KALRN: variants seen among roughly 807,000 people sequenced by gnomAD.
The protein encoded by KALRN is kalirin.
KALRN carries 70 observed loss-of-function variants against 353.7 expected under a neutral mutation model. That is an observed-to-expected ratio of 0.20 (90% CI 0.16 to 0.24). The LOEUF (loss-of-function observed/expected upper bound fraction) is 0.24, where lower values mean the gene tolerates loss of function less well. Among genes scored for constraint, KALRN ranks in the 10% least tolerant of loss-of-function variants. KALRN has a pLI of 1.00. For synonymous variants in KALRN, 1,391 were observed against 1,434.8 expected (o/e 0.97, Z 0.69); for missense variants, 2,791 against 3,756.7 (o/e 0.74, Z 6.72).
At chr3:124,119,725 G>A (rs1249801942) in intron 1 of KALRN, among the ~76,000 whole-genome samples, 1 of 152,202 alleles carries the variant, frequency 6.6e-6, no homozygotes, top group East Asian at 1.9e-4. Flanking sequence ...TGTTATTTAA[G>A]GTTGATTTTG....
chr3:124,713,160 A>C lies in KALRN; in HGVS notation c.8276+25A>C, dbSNP rs781189663. On this transcript the variant is annotated intron_variant, in intron 58 of 59. Coordinates refer to ENST00000682506, the MANE Select transcript of KALRN (RefSeq NM_001388419.1). ...TGTAAGTACAGACGCCATCTCTCTA[A>C]AGTCGCCTGCATCCATTTAGGTTAG... The C allele has an allele frequency of 1.9e-6, 3 of 1,580,352 alleles. No individual in the cohort carries two copies. In the East Asian group the frequency reaches 6.8e-5, roughly 36 times the overall value.
chr3:124,126,495 C>T (rs1338820061), intron 1 of KALRN, among the ~76,000 whole-genome samples: 1 of 152,122 alleles, frequency 6.6e-6, no homozygotes, highest in African/African-American at 2.4e-5. Flanking sequence ...CTCAGGACAT[C>T]CCCTGGCCAC....
At chr3:124,497,499 C>T (rs1013901106) in intron 33 of KALRN, among the ~76,000 whole-genome samples, 5 of 152,090 alleles carry the variant, frequency 3.3e-5, no homozygotes, top group East Asian at 3.9e-4. Flanking sequence ...GACTGTGCCC[C>T]GAACCTGCTG....
chr3:124,346,580 G>C (rs1288237346), intron 9 of KALRN, among the ~76,000 whole-genome samples: 2 of 152,128 alleles, frequency 1.3e-5, no homozygotes, highest in African/African-American at 4.8e-5. Context: ...GAAGCCAGAG[G>C]GGGCTCTTGT....
chr3:124,311,377 C>T lies in KALRN; in HGVS notation c.1092+12464C>T, dbSNP rs113754358. 4.2e-3 allele frequency among the ~76,000 whole-genome samples: 636 copies of T among 151,408 alleles called. 5 individuals are homozygous for T. The highest frequency in any genetic ancestry group is 0.014 in the African/African-American group (582 of 41,274). On this transcript the variant is annotated intron_variant, in intron 6 of 59. Transcript: ENST00000682506. ...ACTGGGGAGGGCGAAGCAGGAGAAT[C>T]GCTTGAACTCAGGAGGCAGAGGTTG...
chr3:124,660,683 A>AAAG (rs1407764430), intron 43 of KALRN, among the ~76,000 whole-genome samples: 2 of 150,866 alleles, frequency 1.3e-5, no homozygotes, highest in African/African-American at 4.8e-5. Flanking sequence ...TATGTCTCAA[A>AAAG]AAAAAAAAAA....
chr3:124,314,026 T>G (rs1392212609), intron 6 of KALRN, among the ~76,000 whole-genome samples: 1 of 152,194 alleles, frequency 6.6e-6, no homozygotes, highest in Non-Finnish European at 1.5e-5. Context: ...TTATAAATCA[T>G]GCTGCTATAA....
chr3:124,385,086 C>A, intron 11 of KALRN, 50 bp downstream of exon 11: 1 of 1,493,490 alleles, frequency 6.7e-7, no homozygotes, highest in South Asian at 1.4e-5. Flanking sequence ...AGGGTCAGGT[C>A]GGCTTCCTAG....
intron 4 of KALRN, among the ~76,000 whole-genome samples, chr3:124,266,481 A>G (rs1312743301): frequency 2.0e-5 from 3 of 152,238 alleles, no homozygotes; most frequent in African/African-American, 7.2e-5. Flanking sequence ...ATTTTCAATG[A>G]CAATACATCA....
intron 12 of KALRN, among the ~76,000 whole-genome samples, chr3:124,397,121 T>C (rs1350742545): frequency 6.6e-6 from 1 of 152,244 alleles, no homozygotes; most frequent in Admixed American, 6.5e-5. Context: ...TTTCCTTTCC[T>C]TCTGGAAAAT....
At chr3:124,708,573 A>G (rs550417043) in intron 57 of KALRN, among the ~76,000 whole-genome samples, 111 of 152,310 alleles carry the variant, frequency 7.3e-4, no homozygotes, top group African/African-American at 2.2e-3. Flanking sequence ...AAATTATCTG[A>G]CATGAAGAAT....
intron 9 of KALRN, among the ~76,000 whole-genome samples, chr3:124,340,474 G>A (rs2081583943): frequency 6.6e-6 from 1 of 152,082 alleles, no homozygotes; most frequent in Non-Finnish European, 1.5e-5. Context: ...AGTGAGCCAA[G>A]ACTGTGCCAT....
At chr3:124,567,229 C>A (rs1004078901) in intron 34 of KALRN, among the ~76,000 whole-genome samples, 13 of 151,974 alleles carry the variant, frequency 8.6e-5, no homozygotes, top group African/African-American at 2.9e-4. Context: ...GGTTGAGAAC[C>A]ACTGCACTAG....
intron 53 of KALRN, 53 bp from the exon 54 acceptor site, chr3:124,696,081 C>A (rs2062037536): frequency 1.9e-6 from 3 of 1,599,392 alleles, no homozygotes; most frequent in Admixed American, 1.7e-5. Context: ...TTTTACCCAG[C>A]AGTCAAGTGT....
At chr3:124,634,720 G>C (rs1209633919) in intron 36 of KALRN, among the ~76,000 whole-genome samples, 1 of 152,112 alleles carries the variant, frequency 6.6e-6, no homozygotes, top group Non-Finnish European at 1.5e-5. Context: ...TCTGCCTTAA[G>C]TGTTGCTGAT....
At chr3:124,544,662 G>A (rs2069431897) in intron 33 of KALRN, among the ~76,000 whole-genome samples, 1 of 151,922 alleles carries the variant, frequency 6.6e-6, no homozygotes, top group Non-Finnish European at 1.5e-5. Flanking sequence ...ATCTCACTAT[G>A]TAACATCTTG....
intron 45 of KALRN, among the ~76,000 whole-genome samples, chr3:124,663,545 A>G: frequency 6.6e-6 from 1 of 152,196 alleles, no homozygotes; most frequent in Non-Finnish European, 1.5e-5. Context: ...AACCACACAC[A>G]ATATGTTTTT....
At chr3:124,091,034 G>A (rs990223080) in intron 1 of KALRN, among the ~76,000 whole-genome samples, 1 of 152,218 alleles carries the variant, frequency 6.6e-6, no homozygotes, top group African/African-American at 2.4e-5. Context: ...GGGAGAGACT[G>A]GCAGGGGTCC....
At chr3:124,274,786 A>G (rs2074527668) in intron 5 of KALRN, among the ~76,000 whole-genome samples, 1 of 152,104 alleles carries the variant, frequency 6.6e-6, no homozygotes, top group African/African-American at 2.4e-5. Flanking sequence ...TTCAGCAGAG[A>G]CTGTGGCCTC....
Sources: allele counts gnomAD v4.1 joint callset (sites outside exome capture counted in the v4.1 genomes callset), GRCh38; gene constraint gnomAD v4.1.1; transcripts MANE v1.5; gene names NCBI Gene and HGNC (gene_info 2026-07-23, HGNC 2026-07-21).